TCTN2: variants seen among roughly 807,000 people sequenced by gnomAD.
The protein encoded by TCTN2 is tectonic family member 2, also known as tectonic-2.
Under a neutral mutation model 83.4 loss-of-function variants are expected in TCTN2, and 66 were observed. The observed-to-expected ratio is 0.79, with a 90% CI of 0.65 to 0.97. TCTN2 has a LOEUF of 0.97. Ranked by LOEUF, TCTN2 falls within the 50% of genes least tolerant of loss-of-function variation. The pLI is 0.00. For missense variants in TCTN2, 794 were observed against 858.1 expected (o/e 0.93, Z 0.93); for synonymous variants, 301 against 326.7 (o/e 0.92, Z 0.85).
chr12:123,682,513 C>T (rs1010358841), intron 5 of TCTN2, among the ~76,000 whole-genome samples: 4 of 151,800 alleles, frequency 2.6e-5, no homozygotes, highest in African/African-American at 7.3e-5. Flanking sequence ...TGGAGTTTCG[C>T]TCTTGTTGCC....
chr12:123,704,448 TATTC>T, intron 14 of TCTN2, 80 bp from the exon 15 acceptor site: 1 of 1,405,336 alleles, frequency 7.1e-7, no homozygotes, highest in Non-Finnish European at 9.8e-7. Flanking sequence ...TGCCTGATAT[TATTC>T]CCCATTTTGG....
At position 123,699,808 on chromosome 12, in the gene TCTN2, T is replaced by A; in HGVS notation, c.1610T>A (p.Ile537Lys). 1 of 1,613,498 alleles carries A rather than the reference T, an allele frequency of 6.2e-7. No homozygotes were observed. The highest frequency in any genetic ancestry group is 8.5e-7 in the Non-Finnish European group (1 of 1,179,530). Reference protein sequence around the residue: ...ADLSDGWLEIIRVDAPDPGAD... With the variant: ...ADLSDGWLEIKRVDAPDPGAD... ...CTTAGTGATGGCTGGCTCGAAATAA[T>A]ACGTAAGTCAAACCCGGGTACAATA... Residue 537 changes from isoleucine (I) to lysine (K), a missense_variant and splice_region_variant, in exon 14 of 18, where the codon ATA becomes AAA. Physicochemically the swap from Ile to Lys is moderately radical, Grantham distance 102 (BLOSUM62 -3). Transcript: ENST00000303372.
intron 4 of TCTN2, among the ~76,000 whole-genome samples, chr12:123,676,260 CAG>C (rs754639876): frequency 6.6e-6 from 1 of 151,842 alleles, no homozygotes; most frequent in Non-Finnish European, 1.5e-5. Flanking sequence ...GCCTGGTCGA[CAG>C]AGCAAGACCT....
intron 4 of TCTN2, 105 bp from the exon 5 acceptor site, chr12:123,679,084 A>T (rs1394512719): frequency 2.2e-5 from 23 of 1,030,492 alleles, no homozygotes; most frequent in Non-Finnish European, 3.3e-5. Context: ...GGCGTGAGCC[A>T]CCGCGCCTGG....
chr12:123,702,052 A>G (rs1956179014), intron 14 of TCTN2, among the ~76,000 whole-genome samples: 1 of 152,224 alleles, frequency 6.6e-6, no homozygotes, highest in South Asian at 2.1e-4. Context: ...AGCTAGAATG[A>G]AAACCTGGGG....
intron 9 of TCTN2, among the ~76,000 whole-genome samples, chr12:123,693,905 C>T (rs1956077069): frequency 1.3e-5 from 2 of 151,868 alleles, no homozygotes; most frequent in South Asian, 2.1e-4. Flanking sequence ...GTACCCTCCA[C>T]CTCCCAGGTT....
chr12:123,675,022 C>T (rs543446546), intron 4 of TCTN2, among the ~76,000 whole-genome samples: 24 of 152,100 alleles, frequency 1.6e-4, no homozygotes, highest in Non-Finnish European at 3.1e-4. Flanking sequence ...GGGCTACTGG[C>T]GTGCACCACC....
chr12:123,693,018 C>CTTTTTTT (rs539689505), intron 9 of TCTN2, among the ~76,000 whole-genome samples: 1 of 53,776 alleles, frequency 1.9e-5, no homozygotes, highest in Non-Finnish European at 3.3e-5. Context: ...TTAAATAATT[C>CTTTTTTT]TTTTTTTTTT....
rs1050826564 is a variant in TCTN2 at position 123,688,215 on chromosome 12, T to C, written c.891+38T>C. On this transcript the variant is annotated intron_variant, in intron 7 of 17. Coordinates refer to ENST00000303372, the MANE Select transcript of TCTN2 (RefSeq NM_024809.5). Reference sequence around the variant, plus strand: ...ATATTAGTATGCTAGACCGTTCTCTTTTTTTTTTTTTTTTTTATGAGACGG... The same window carrying C: ...ATATTAGTATGCTAGACCGTTCTCTCTTTTTTTTTTTTTTTTATGAGACGG... The C allele has an allele frequency of 1.0e-4, 62 of 609,550 alleles. 1 individual carries two copies. The highest frequency in any genetic ancestry group is 2.3e-4 in the African/African-American group (12 of 51,466). The allele number at this position is 609,550 out of a possible 1,614,324, so 37.8% of individuals were successfully genotyped here. A position where few individuals can be genotyped will look rare whatever the true frequency, so the allele number is the denominator to read the frequency against.
At position 123,708,394 on chromosome 12, in the gene TCTN2, A is replaced by G. The variant is rs1250710066; in HGVS notation, c.*681A>G. On this transcript the variant is annotated 3_prime_UTR_variant, in exon 18 of 18. Coordinates refer to ENST00000303372, the MANE Select transcript of TCTN2 (RefSeq NM_024809.5). ...AATAAATGAAATGTCTTATTTTTGTAGAAAATTTTTATTAAGTGCCCTGTG... is the reference window on the plus strand; with the variant it reads ...AATAAATGAAATGTCTTATTTTTGTGGAAAATTTTTATTAAGTGCCCTGTG... 6.6e-6 allele frequency: 1 copy of G among 152,608 alleles called. No individual in the cohort carries two copies. Among genetic ancestry groups the G allele is most frequent in the African/African-American group, 2.4e-5 (1 of 41,450 alleles). 9.5% of individuals were successfully genotyped at this position (152,608 alleles called of 1,614,324 possible).
chr12:123,706,988 C>T lies in TCTN2; in HGVS notation c.1899C>T (p.Phe633=). ...AACCCTCTAAAATGTTTTCTAGATTCCAGATCAATTATACAGAGTATGACT... is the reference window on the plus strand; with the variant it reads ...AACCCTCTAAAATGTTTTCTAGATTTCAGATCAATTATACAGAGTATGACT... The part of the protein sequence containing the change: ...PAQLPHPLTR[F]QINYTEYDCN... The change falls in exon 17 of 18, where the codon TTC becomes TTT. Residue 633 remains phenylalanine, a synonymous_variant. Coordinates refer to ENST00000303372, the MANE Select transcript of TCTN2 (RefSeq NM_024809.5). 1 of 1,614,024 alleles carries T rather than the reference C, an allele frequency of 6.2e-7. No individual in the cohort carries two copies. Among genetic ancestry groups the T allele is most frequent in the Non-Finnish European group, 8.5e-7 (1 of 1,179,974 alleles).
Position 123,694,975 on chromosome 12 carries a change from A to C in TCTN2, c.1233A>C (p.Lys411Asn). ...IFRAEINAHQ[K>N]GIMTQRFVVK... The stretch of plus-strand genomic sequence containing the variant: ...GGGCAGAGATTAATGCCCACCAGAA[A>C]GGTAACTTTGATGAGGGTAGCAAGC... The change falls in exon 10 of 18, where the codon AAA becomes AAC. Residue 411 changes from lysine (K) to asparagine (N), a missense_variant and splice_region_variant. Transcript: ENST00000303372. The C allele has an allele frequency of 6.2e-7, 1 of 1,613,394 alleles. No homozygotes were observed. Among genetic ancestry groups the C allele is most frequent in the South Asian group, 1.1e-5 (1 of 91,064 alleles).
chr12:123,691,561 GT>G (rs1246010093), intron 8 of TCTN2, among the ~76,000 whole-genome samples: 1 of 152,184 alleles, frequency 6.6e-6, no homozygotes, highest in Non-Finnish European at 1.5e-5. Flanking sequence ...TGATGGACAT[GT>G]GGGTTGTTTT....
At chr12:123,706,220 C>T (rs1956228070) in intron 15 of TCTN2, among the ~76,000 whole-genome samples, 1 of 152,184 alleles carries the variant, frequency 6.6e-6, no homozygotes, top group African/African-American at 2.4e-5. Context: ...TTCTGCTCCA[C>T]TGAACTGGAA....
At chr12:123,696,972 G>T in intron 12 of TCTN2, 115 bp from the exon 13 acceptor site, 1 of 861,062 alleles carries the variant, frequency 1.2e-6, no homozygotes, top group Non-Finnish European at 1.9e-6. Flanking sequence ...CTCAGTTTTT[G>T]AAAACTGGCA....
Position 123,696,514 on chromosome 12 carries a change from T to C in TCTN2, c.1393+19T>C, listed in dbSNP as rs1434022811. ...CAATCGGGTAATCCGGTTTGGTCAT[T>C]ATGATTAGCCCTTTGGCAAATTGGT... On this transcript the variant is annotated intron_variant, in intron 12 of 17. Coordinates refer to ENST00000303372, the MANE Select transcript of TCTN2 (RefSeq NM_024809.5). 3 of 1,604,274 alleles carry C rather than the reference T, an allele frequency of 1.9e-6. No homozygotes were observed. The highest frequency in any genetic ancestry group is 1.7e-5 in the Admixed American group (1 of 59,992).
chr12:123,683,996 A>C (rs73418139), intron 5 of TCTN2, among the ~76,000 whole-genome samples: 8,337 of 152,252 alleles, frequency 0.055, 446 homozygotes, highest in African/African-American at 0.13. Context: ...GAAGAAATTT[A>C]CTGGTACCCA....
intron 5 of TCTN2, among the ~76,000 whole-genome samples, chr12:123,680,994 C>T (rs116452654): frequency 0.016 from 2,363 of 151,934 alleles, 51 homozygotes; most frequent in African/African-American, 0.055. Flanking sequence ...ACAGGCCTGG[C>T]GAAGCAGCTC....
Position 123,688,113 on chromosome 12 carries a change from ACTTTG to A in TCTN2, c.828_832del (p.Asp276GlufsTer40). On this transcript the variant is annotated frameshift_variant, in exon 7 of 18. Transcript: ENST00000303372. LOFTEE classifies it high-confidence loss of function. Reference sequence around the variant, plus strand: ...GATACTGACGCAAAAGACTTTGCAGACTTTGGTTACAAACAAGGAGATCCCATTAT... The same window carrying A: ...GATACTGACGCAAAAGACTTTGCAGAGTTACAAACAAGGAGATCCCATTAT... The A allele has an allele frequency of 6.2e-7, 1 of 1,614,120 alleles. No individual in the cohort carries two copies. Among genetic ancestry groups the A allele is most frequent in the East Asian group, 2.2e-5 (1 of 44,886 alleles).
Sources: allele counts gnomAD v4.1 joint callset (sites outside exome capture counted in the v4.1 genomes callset), GRCh38; gene constraint gnomAD v4.1.1; transcripts MANE v1.5; gene names NCBI Gene and HGNC (gene_info 2026-07-23, HGNC 2026-07-21).